The following CEP63 variants were observed in gnomAD, a reference collection of about 807,000 sequenced individuals.
The protein encoded by CEP63 is centrosomal protein of 63 kDa.
Under a neutral mutation model 89.1 loss-of-function variants are expected in CEP63, and 84 were observed. The observed-to-expected ratio is 0.94, with a 90% CI of 0.79 to 1.13. CEP63 has a LOEUF of 1.13. CEP63 is among the 50% of genes most tolerant of loss of function. The pLI is 0.00. For missense variants in CEP63, 838 were observed against 813.3 expected, an observed-to-expected ratio of 1.03 and a Z score of -0.37; for synonymous variants, 267 against 272.5, an observed-to-expected ratio of 0.98 and a Z score of 0.20.
At chr3:134,582,224 C>A (rs201129350) in intron 10 of CEP63, among the ~76,000 whole-genome samples, 87 of 151,922 alleles carry the variant, frequency 5.7e-4, no homozygotes, top group East Asian at 3.3e-3. Context: ...TAGATGTGCA[C>A]AACGTGCAGA....
the CEP63 span, among the ~76,000 whole-genome samples, chr3:134,707,123 C>T: frequency 2.0e-5 from 3 of 152,190 alleles, no homozygotes; most frequent in Non-Finnish European, 4.4e-5. Flanking sequence ...TTCCACCATT[C>T]ATTCAACAAA....
At chr3:134,733,516 T>C in the CEP63 span, among the ~76,000 whole-genome samples, 1 of 152,156 alleles carries the variant, frequency 6.6e-6, no homozygotes, top group African/African-American at 2.4e-5. Context: ...TTAATGCAGA[T>C]ATAATCAATT....
intron 14 of CEP63, among the ~76,000 whole-genome samples, chr3:134,560,878 T>G (rs997580851): frequency 2.6e-5 from 4 of 152,216 alleles, no homozygotes; most frequent in Non-Finnish European, 5.9e-5. Flanking sequence ...ATGGCATATG[T>G]TCTATGTTAC....
chr3:134,680,283 C>T, the CEP63 span, among the ~76,000 whole-genome samples: 5 of 152,338 alleles, frequency 3.3e-5, no homozygotes, highest in South Asian at 6.2e-4. Flanking sequence ...ATTTTAAACT[C>T]GGTTTAATCC....
At chr3:134,615,941 A>G in the CEP63 span, among the ~76,000 whole-genome samples, 1 of 151,608 alleles carries the variant, frequency 6.6e-6, no homozygotes, top group East Asian at 1.9e-4. Context: ...GTGACAACCA[A>G]CTCCCTCAGT....
the CEP63 span, among the ~76,000 whole-genome samples, chr3:134,679,415 C>T: frequency 6.6e-6 from 1 of 152,192 alleles, no homozygotes; most frequent in Non-Finnish European, 1.5e-5. Context: ...TGCAGTGGAG[C>T]ATCATGCAGG....
chr3:134,672,004 A>G, the CEP63 span, among the ~76,000 whole-genome samples: 9 of 152,306 alleles, frequency 5.9e-5, no homozygotes, highest in East Asian at 1.5e-3. Flanking sequence ...CTGCAGTGAT[A>G]GATGGTTGTC....
chr3:134,750,682 C>T, the CEP63 span, among the ~76,000 whole-genome samples: 2 of 152,180 alleles, frequency 1.3e-5, no homozygotes, highest in African/African-American at 4.8e-5. Flanking sequence ...GGGCTTCCTA[C>T]AAGCCATGTA....
chr3:134,702,873 T>G, the CEP63 span, among the ~76,000 whole-genome samples: 1 of 151,924 alleles, frequency 6.6e-6, no homozygotes, highest in Non-Finnish European at 1.5e-5. Context: ...TTGGTGAGAG[T>G]GTAAATTAGT....
chr3:134,643,427 C>T, the CEP63 span: 1 of 1,539,930 alleles, frequency 6.5e-7, no homozygotes, highest in Non-Finnish European at 9.0e-7. Context: ...GGGAATTTTC[C>T]CCAGGCAGAG....
chr3:134,746,070 C>CA, the CEP63 span, among the ~76,000 whole-genome samples: 2 of 148,470 alleles, frequency 1.3e-5, no homozygotes, highest in Non-Finnish European at 3.0e-5. Context: ...CCTCCACCAC[C>CA]CCCCCCACCC....
At chr3:134,665,936 CAGA>C in the CEP63 span, among the ~76,000 whole-genome samples, 2 of 151,422 alleles carry the variant, frequency 1.3e-5, no homozygotes, top group South Asian at 2.1e-4. Flanking sequence ...GGGAAAGAAA[CAGA>C]AGGACAGGAA....
intron 6 of CEP63, among the ~76,000 whole-genome samples, chr3:134,539,378 C>A (rs568977901): frequency 5.9e-5 from 9 of 152,232 alleles, no homozygotes; most frequent in African/African-American, 1.9e-4. Context: ...ATACCATTCC[C>A]TACTTCTTAT....
At chr3:134,753,594 G>A in the CEP63 span, among the ~76,000 whole-genome samples, 1 of 152,194 alleles carries the variant, frequency 6.6e-6, no homozygotes, top group Non-Finnish European at 1.5e-5. Flanking sequence ...CAGAGTCTTT[G>A]CTCCCCTGAC....
chr3:134,503,697 G>A (rs1942698947), intron 2 of CEP63, among the ~76,000 whole-genome samples: 1 of 152,118 alleles, frequency 6.6e-6, no homozygotes, highest in Non-Finnish European at 1.5e-5. Context: ...GGTGTTGGAT[G>A]TATGTATATT....
the CEP63 span, among the ~76,000 whole-genome samples, chr3:134,745,577 G>A: frequency 4.0e-5 from 6 of 151,584 alleles, no homozygotes; most frequent in East Asian, 3.9e-4. Flanking sequence ...GTACATGTGC[G>A]CAACGTGCAG....
chr3:134,710,701 C>T, the CEP63 span, among the ~76,000 whole-genome samples: 1 of 149,588 alleles, frequency 6.7e-6, no homozygotes, highest in Admixed American at 6.8e-5. Context: ...TAGATTTATC[C>T]ATTCCTTTTT....
At chr3:134,593,726 C>A in the CEP63 span, among the ~76,000 whole-genome samples, 1 of 152,218 alleles carries the variant, frequency 6.6e-6, no homozygotes, top group East Asian at 1.9e-4. Flanking sequence ...GGACCAGTGG[C>A]TAAGAGGCCA....
At chr3:134,761,300 A>T in the CEP63 span, among the ~76,000 whole-genome samples, 2 of 152,200 alleles carry the variant, frequency 1.3e-5, no homozygotes. Flanking sequence ...TTTCATGCAC[A>T]TGAATATGTA....
Sources: allele counts gnomAD v4.1 joint callset (sites outside exome capture counted in the v4.1 genomes callset), GRCh38; gene constraint gnomAD v4.1.1; transcripts MANE v1.5; gene names NCBI Gene and HGNC (gene_info 2026-07-23, HGNC 2026-07-21).